Variants in ABCA4 observed in about 807,000 individuals in gnomAD.
ABCA4 encodes the protein ATP binding cassette subfamily A member 4, also known as retinal-specific phospholipid-transporting ATPase ABCA4.
In ABCA4, 196 loss-of-function variants were observed where a neutral mutation model predicts 263.7. The ratio of observed to expected loss-of-function variants is 0.74; its 90% CI spans 0.66 to 0.84. The LOEUF is 0.84. ABCA4 is among the 40% of genes least tolerant of loss of function. The pLI is 0.00. For synonymous variants in ABCA4, 1,133 were observed against 1,094.2 expected (o/e 1.04, Z -0.70); for missense variants, 2,792 against 2,855.1 (o/e 0.98, Z 0.50).
chr1:94,095,445 C>A (rs1003652779), intron 6 of ABCA4, among the ~76,000 whole-genome samples: 15 of 152,152 alleles, frequency 9.9e-5, no homozygotes, highest in Admixed American at 6.5e-4. Flanking sequence ...TTTAATAAAA[C>A]CTTATTTATA....
intron 6 of ABCA4, among the ~76,000 whole-genome samples, chr1:94,090,738 G>A (rs1174224849): frequency 6.6e-6 from 1 of 152,084 alleles, no homozygotes. Flanking sequence ...GTTTTATTTT[G>A]TTTGTCTTTT....
At chr1:94,114,874 A>G (rs1022760024) in intron 1 of ABCA4, among the ~76,000 whole-genome samples, 3 of 152,222 alleles carry the variant, frequency 2.0e-5, no homozygotes, top group Non-Finnish European at 4.4e-5. Flanking sequence ...AAGCTTCCTG[A>G]GGACAGGAAC....
At chr1:94,063,419 A>G in intron 11 of ABCA4, 102 bp from the exon 12 acceptor site, 1 of 1,147,726 alleles carries the variant, frequency 8.7e-7, no homozygotes. Context: ...GTCCCAGGAA[A>G]TGGTCAAATG....
intron 23 of ABCA4, 125 bp from the exon 24 acceptor site, chr1:94,040,252 T>G: frequency 1.3e-6 from 1 of 789,334 alleles, no homozygotes; most frequent in Admixed American, 2.0e-5. Context: ...TCAACACATT[T>G]TTTTCTTCAC....
chr1:94,101,461 G>C (rs1662285896), intron 5 of ABCA4, among the ~76,000 whole-genome samples: 1 of 152,222 alleles, frequency 6.6e-6, no homozygotes, highest in South Asian at 2.1e-4. Context: ...TCTAGTTTCG[G>C]TGAAAACCTC....
At chr1:94,101,439 A>G (rs1662285441) in intron 5 of ABCA4, among the ~76,000 whole-genome samples, 1 of 152,192 alleles carries the variant, frequency 6.6e-6, no homozygotes, top group South Asian at 2.1e-4. Flanking sequence ...GGCTGACCCT[A>G]GGTTCCCCTT....
At chr1:94,010,696 AT>A (rs757552888) in intron 40 of ABCA4, 103 bp downstream of exon 40, 1 of 1,544,486 alleles carries the variant, frequency 6.5e-7, no homozygotes, top group South Asian at 1.1e-5. Context: ...TAGAAAAAAC[AT>A]TGTGGAGTGG....
chr1:93,997,790 G>A, intron 48 of ABCA4, 71 bp downstream of exon 48: 1 of 1,601,410 alleles, frequency 6.2e-7, no homozygotes, highest in Non-Finnish European at 8.5e-7. Context: ...CCCTCTTATG[G>A]CAATTCCAAC....
chr1:94,091,579 TCACACACACACACACACACACA>T (rs35529737), intron 6 of ABCA4, among the ~76,000 whole-genome samples: 71 of 143,846 alleles, frequency 4.9e-4, no homozygotes, highest in East Asian at 8.2e-4. Flanking sequence ...AAACATCATC[TCACACACACACACACACACACA>T]CACACACACA....
At position 94,056,554 on chromosome 1, in the gene ABCA4, T is replaced by A. The variant is rs1023235074; in HGVS notation, c.2382+47A>T. The A allele has an allele frequency of 5.7e-6, 9 of 1,588,264 alleles. No homozygotes were observed. The African/African-American group carries it at 1.2e-4, about 21-fold the overall frequency. ...GGGCCTCCAGGACTGCTACGGACCC[T>A]TCCAAGGAAACGTGTTGTAGGACAG... is the stretch of plus-strand genomic sequence containing the variant. On this transcript the variant is annotated intron_variant, in intron 15 of 49. Coordinates refer to ENST00000370225, the MANE Select transcript of ABCA4 (RefSeq NM_000350.3).
At position 94,078,671 on chromosome 1, in the gene ABCA4, C is replaced by T; in HGVS notation, c.1275G>A (p.Arg425=). 3 of 1,598,572 alleles carry T rather than the reference C, an allele frequency of 1.9e-6. No individual in the cohort carries two copies. Among genetic ancestry groups the T allele is most frequent in the Non-Finnish European group, 2.6e-6 (3 of 1,171,004 alleles). The change falls in exon 10 of 50, where the codon AGG becomes AGA. Residue 425 remains arginine, a synonymous_variant. Transcript: ENST00000370225. ...CTTCTTCCCAGGCTTTGACCAACTT[C>T]CTAACGTGTTCCAGTTCTTCAAAAG... ...NSTFEELEHV[R]KLVKAWEEVG...
At chr1:94,027,144 C>T (rs867290830) in intron 30 of ABCA4, among the ~76,000 whole-genome samples, 1 of 152,006 alleles carries the variant, frequency 6.6e-6, no homozygotes, top group African/African-American at 2.4e-5. Context: ...AGTTTTGCTC[C>T]AATGGAAGGC....
At chr1:94,083,979 G>A (rs1248068964) in intron 6 of ABCA4, among the ~76,000 whole-genome samples, 1 of 152,216 alleles carries the variant, frequency 6.6e-6, no homozygotes, top group Non-Finnish European at 1.5e-5. Flanking sequence ...AGCAGCTGCT[G>A]GTAGGAGTCG....
At position 94,038,416 on chromosome 1, in the gene ABCA4, G is replaced by T. The variant is rs776303345; in HGVS notation, c.3608-1066C>A. On this transcript the variant is annotated intron_variant, in intron 24 of 49. Coordinates refer to ENST00000370225, the MANE Select transcript of ABCA4 (RefSeq NM_000350.3). Reference sequence around the variant, plus strand: ...GACTCAAAACATGACTCTTCAGAAAGCAGCTCTCAGAGTTGTGGACACCCA... The same window carrying T: ...GACTCAAAACATGACTCTTCAGAAATCAGCTCTCAGAGTTGTGGACACCCA... 2.0e-5 allele frequency among the ~76,000 whole-genome samples: 3 copies of T among 152,180 alleles called. No homozygotes were observed. The South Asian group carries it at 6.2e-4, about 32-fold the overall frequency.
intron 44 of ABCA4, 144 bp from the exon 45 acceptor site, chr1:94,002,136 C>A: frequency 1.5e-6 from 2 of 1,295,186 alleles, no homozygotes. Flanking sequence ...TGGCTCCTGT[C>A]CTCTGGCATG....
intron 11 of ABCA4, among the ~76,000 whole-genome samples, chr1:94,077,140 C>T (rs1418051199): frequency 6.6e-6 from 1 of 152,188 alleles, no homozygotes; most frequent in African/African-American, 2.4e-5. Context: ...GTGACAGCTA[C>T]TGTGTGGAGG....
chr1:94,068,433 CA>C (rs1661327368), intron 11 of ABCA4, among the ~76,000 whole-genome samples: 1 of 152,216 alleles, frequency 6.6e-6, no homozygotes, highest in African/African-American at 2.4e-5. Context: ...AGCCACCTGC[CA>C]TGCAGCAAGT....
At position 94,112,853 on chromosome 1, in the gene ABCA4, T is replaced by G. The variant is rs762885421; in HGVS notation, c.160+120A>C. 179 of 783,968 alleles carry G rather than the reference T, an allele frequency of 2.3e-4. No individual in the cohort carries two copies. In the Middle Eastern group the frequency reaches 2.7e-3, roughly 12 times the overall value. 48.6% of individuals were successfully genotyped at this position (783,968 alleles called of 1,614,324 possible). On this transcript the variant is annotated intron_variant, in intron 2 of 49. Coordinates refer to ENST00000370225, the MANE Select transcript of ABCA4 (RefSeq NM_000350.3). ...ATTGATAAATCTGTTACATGCATCA[T>G]AGACATGAAATGATGATAAGCAGAT...
chr1:94,056,727 G>A lies in ABCA4; in HGVS notation c.2256C>T (p.Ser752=), dbSNP rs756061523. The part of the protein sequence containing the change: ...TATIMLCFLL[S]TFFSKASLAA... ...CCAGACTGGCCTTGGAGAAGAAGGT[G>A]CTGAGCAGAAAGCACAGCATGATGG... Residue 752 remains serine, a synonymous_variant, in exon 15 of 50, where the codon AGC becomes AGT. Transcript: ENST00000370225. The A allele has an allele frequency of 1.2e-6, 2 of 1,613,918 alleles. No homozygotes were observed. Among genetic ancestry groups the A allele is most frequent in the South Asian group, 1.1e-5 (1 of 91,028 alleles).
Sources: gnomAD v4.1 joint callset for allele counts (sites outside exome capture counted in the v4.1 genomes callset) on GRCh38, gnomAD v4.1.1 for gene constraint, MANE v1.5 for transcripts, NCBI Gene and HGNC (gene_info 2026-07-23, HGNC 2026-07-21) for gene names.